Variants in FUBP1 observed in about 807,000 individuals in gnomAD.
The protein encoded by FUBP1 is far upstream element-binding protein 1.
Under a neutral mutation model 94.9 loss-of-function variants are expected in FUBP1, and 16 were observed. The ratio of observed to expected loss-of-function variants is 0.17; its 90% CI spans 0.11 to 0.26. FUBP1 has a LOEUF of 0.26. FUBP1 is among the 10% of genes least tolerant of loss of function. FUBP1 has a pLI of 1.00. For missense variants in FUBP1, 583 were observed against 808.6 expected, an observed-to-expected ratio of 0.72 and a Z score of 3.38; for synonymous variants, 279 against 254.9, an observed-to-expected ratio of 1.09 and a Z score of -0.90.
intron 18 of FUBP1, among the ~76,000 whole-genome samples, chr1:77,953,642 G>C (rs1317007416): frequency 6.6e-6 from 1 of 151,810 alleles, no homozygotes; most frequent in Non-Finnish European, 1.5e-5. Flanking sequence ...TTCCTACAGA[G>C]GATTCAAGAC....
At chr1:77,977,437 AAT>A (rs1658858868) in intron 1 of FUBP1, among the ~76,000 whole-genome samples, 1 of 152,152 alleles carries the variant, frequency 6.6e-6, no homozygotes, top group Non-Finnish European at 1.5e-5. Context: ...GAGGCAGGAG[AAT>A]TGCTTGAAGC....
intron 17 of FUBP1, among the ~76,000 whole-genome samples, chr1:77,956,263 A>G (rs1571256232): frequency 6.6e-6 from 1 of 152,210 alleles, no homozygotes; most frequent in South Asian, 2.1e-4. Context: ...GGATATAATT[A>G]GCTTCCTTCA....
At chr1:77,977,620 A>G (rs1205569008) in intron 1 of FUBP1, among the ~76,000 whole-genome samples, 2 of 152,224 alleles carry the variant, frequency 1.3e-5, no homozygotes, top group Admixed American at 6.6e-5. Flanking sequence ...AGTTGGTTCC[A>G]GTAAATAAAA....
chr1:77,957,702 T>C (rs1250991143), intron 16 of FUBP1, among the ~76,000 whole-genome samples: 2 of 152,170 alleles, frequency 1.3e-5, no homozygotes, highest in Non-Finnish European at 2.9e-5. Flanking sequence ...AAAAAGAAAA[T>C]TGCAAGGTAA....
At chr1:77,959,793 C>T (rs1303899955) in intron 16 of FUBP1, among the ~76,000 whole-genome samples, 2 of 152,170 alleles carry the variant, frequency 1.3e-5, no homozygotes, top group Admixed American at 6.5e-5. Flanking sequence ...GGATTACAGA[C>T]GTGAGCCTCA....
intron 2 of FUBP1, among the ~76,000 whole-genome samples, 155 bp downstream of exon 2, chr1:77,969,770 G>A (rs532179037): frequency 5.3e-5 from 8 of 151,470 alleles, no homozygotes; most frequent in African/African-American, 1.9e-4. Flanking sequence ...ACCTTGTCTA[G>A]TTTTCTTTCC....
At chr1:77,958,522 A>G (rs930721119) in intron 16 of FUBP1, among the ~76,000 whole-genome samples, 5 of 152,232 alleles carry the variant, frequency 3.3e-5, no homozygotes, top group Non-Finnish European at 5.9e-5. Context: ...TATAAGCAAT[A>G]TCCACCCCCA....
chr1:77,961,507 A>C (rs1655474523), intron 14 of FUBP1, among the ~76,000 whole-genome samples: 1 of 152,210 alleles, frequency 6.6e-6, no homozygotes, highest in South Asian at 2.1e-4. Context: ...CACACACATG[A>C]ACATTCATTT....
At position 77,962,814 on chromosome 1, in the gene FUBP1, G is replaced by A; in HGVS notation, c.1300C>T (p.Gln434Ter). The change falls in exon 14 of 20, where the codon CAA (glutamine) becomes TAA (stop). Residue 434 changes from glutamine to a stop codon, truncating the protein, a stop_gained. Coordinates refer to ENST00000370768, the MANE Select transcript of FUBP1 (RefSeq NM_003902.5). LOFTEE classifies it high-confidence loss of function. ...MKLFTIRGTP[Q>*]QIDYARQLIE... ...AGTTGCCGAGCATAGTCTATCTGTT[G>A]TGGAGTGCCACGAATTGTAAATAAC... 1 of 1,612,444 alleles carries A rather than the reference G, an allele frequency of 6.2e-7. No homozygotes were observed. Among genetic ancestry groups the A allele is most frequent in the Non-Finnish European group, 8.5e-7 (1 of 1,178,564 alleles).
intron 14 of FUBP1, among the ~76,000 whole-genome samples, chr1:77,962,213 C>T (rs754792348): frequency 6.6e-6 from 1 of 152,106 alleles, no homozygotes; most frequent in Non-Finnish European, 1.5e-5. Flanking sequence ...ATCACCCAAA[C>T]ATCTATGTAA....
rs527869195 is a variant in FUBP1 at position 77,966,038 on chromosome 1, T to C, written c.473+656A>G. 2.6e-5 allele frequency among the ~76,000 whole-genome samples: 4 copies of C among 152,138 alleles called. No homozygotes were observed. In the South Asian group the frequency reaches 8.3e-4, roughly 32 times the overall value. On this transcript the variant is annotated intron_variant, in intron 7 of 19. Transcript: ENST00000370768. ...CTCAAAAAAAAGAAAAGAAAAAACC[T>C]AGTAATGAGGGAGAACTAACAATGC...
intron 1 of FUBP1, among the ~76,000 whole-genome samples, chr1:77,975,827 A>G (rs4949829): frequency 0.11 from 16,085 of 152,138 alleles, 988 homozygotes; most frequent in Admixed American, 0.19. Flanking sequence ...CCCTGTGTTG[A>G]ATTTAGCTCA....
intron 1 of FUBP1, among the ~76,000 whole-genome samples, chr1:77,976,400 C>G (rs1658595987): frequency 1.3e-5 from 2 of 152,158 alleles, no homozygotes; most frequent in Admixed American, 6.5e-5. Flanking sequence ...GACAACTGAT[C>G]TATTAGCATT....
At chr1:77,974,275 A>G (rs2102502640) in intron 1 of FUBP1, among the ~76,000 whole-genome samples, 1 of 151,696 alleles carries the variant, frequency 6.6e-6, no homozygotes, top group Middle Eastern at 3.4e-3. Context: ...AGCTGGGACT[A>G]CAGGCGCCCA....
At chr1:77,968,031 A>G in intron 3 of FUBP1, 134 bp downstream of exon 3, 1 of 583,104 alleles carries the variant, frequency 1.7e-6, no homozygotes, top group Non-Finnish European at 3.0e-6. Context: ...GTATATATTT[A>G]CAAAGAAATT....
chr1:77,956,656 A>G lies in FUBP1; in HGVS notation c.1621T>C (p.Tyr541His). ...DPNSAAWAAY[Y>H]AHYYQQQAQP... ...GCTTGCTGTTGATAATAGTGAGCGTAATAAGCAGCCCAAGCTGCTGAATTT... is the reference window on the plus strand; with the variant it reads ...GCTTGCTGTTGATAATAGTGAGCGTGATAAGCAGCCCAAGCTGCTGAATTT... The change falls in exon 17 of 20, where the codon TAC (tyrosine) becomes CAC (histidine). Residue 541 changes from tyrosine (Y) to histidine (H), a missense_variant. Coordinates refer to ENST00000370768, the MANE Select transcript of FUBP1 (RefSeq NM_003902.5). 6.2e-7 allele frequency: 1 copy of G among 1,611,902 alleles called. No homozygotes were observed. Among genetic ancestry groups the G allele is most frequent in the Non-Finnish European group, 8.5e-7 (1 of 1,178,096 alleles).
intron 7 of FUBP1, among the ~76,000 whole-genome samples, chr1:77,965,964 C>T (rs1215377508): frequency 6.6e-6 from 1 of 152,174 alleles, no homozygotes; most frequent in Non-Finnish European, 1.5e-5. Context: ...TTGCAGTGAG[C>T]CGAGATCGTG....
chr1:77,965,615 T>C (rs2102407277), intron 7 of FUBP1, among the ~76,000 whole-genome samples: 1 of 152,336 alleles, frequency 6.6e-6, no homozygotes, highest in Non-Finnish European at 1.5e-5. Flanking sequence ...AATATTTAAA[T>C]ATCAACTATG....
intron 1 of FUBP1, among the ~76,000 whole-genome samples, chr1:77,973,234 T>G (rs1035897879): frequency 6.6e-6 from 1 of 152,058 alleles, no homozygotes; most frequent in Middle Eastern, 3.4e-3. Context: ...GTGGGAAACT[T>G]TTTACTTTAT....
Sources: gnomAD v4.1 joint callset for allele counts (sites outside exome capture counted in the v4.1 genomes callset) on GRCh38, gnomAD v4.1.1 for gene constraint, MANE v1.5 for transcripts, NCBI Gene and HGNC (gene_info 2026-07-23, HGNC 2026-07-21) for gene names.